KCNN1: variants seen among roughly 807,000 people sequenced by gnomAD.
KCNN1 encodes the protein small conductance calcium-activated potassium channel protein 1.
KCNN1 carries 20 observed loss-of-function variants against 44.7 expected under a neutral mutation model. That is an observed-to-expected ratio of 0.45 (90% CI 0.32 to 0.65). KCNN1 has a LOEUF of 0.65. Among genes scored for constraint, KCNN1 ranks in the 30% least tolerant of loss-of-function variants. The probability of loss-of-function intolerance (pLI) is 0.05; values close to 1 mark genes in which losing one functional copy is unlikely to be tolerated. For missense variants in KCNN1, 632 were observed against 785.3 expected (o/e 0.80, Z 2.33); for synonymous variants, 324 against 341.7 (o/e 0.95, Z 0.57).
At position 17,974,883 on chromosome 19, in the gene KCNN1, A is replaced by G. The variant is rs951771229; in HGVS notation, c.403-209A>G. Among the ~76,000 whole-genome samples, 1 of 152,218 alleles carries G rather than the reference A, an allele frequency of 6.6e-6. No homozygotes were observed. The highest frequency in any genetic ancestry group is 1.5e-5 in the Non-Finnish European group (1 of 68,036). The stretch of plus-strand genomic sequence containing the variant: ...GAGCACCGCTTCCTGAATACAGCAC[A>G]TGCTGCACGCCCAGCCCTGATAAGC... On this transcript the variant is annotated intron_variant, in intron 2 of 9. Coordinates refer to ENST00000684775, the MANE Select transcript of KCNN1 (RefSeq NM_001386974.1). The surrounding 1 kb of genome is among the most constrained non-coding windows in gnomAD (Gnocchi z 7.3).
chr19:17,963,152 C>T (rs925053790), upstream of KCNN1, among the ~76,000 whole-genome samples: 4 of 149,984 alleles, frequency 2.7e-5, no homozygotes, highest in South Asian at 6.3e-4. Flanking sequence ...GGATTACAGG[C>T]GCCCGCCACC....
chr19:17,981,688 G>C, intron 3 of KCNN1, 21 bp from the exon 4 acceptor site: 1 of 1,551,646 alleles, frequency 6.4e-7, no homozygotes, highest in South Asian at 1.2e-5. Flanking sequence ...CCCATGGCTG[G>C]TTCCCTCCCG....
Position 17,974,323 on chromosome 19 carries a change from A to T in KCNN1, c.402+33A>T, listed in dbSNP as rs376055923. The T allele has an allele frequency of 1.0e-4, 158 of 1,515,638 alleles. No individual in the cohort carries two copies. The Middle Eastern group carries it at 1.4e-3, about 14-fold the overall frequency. 93.9% of individuals were successfully genotyped at this position (1,515,638 alleles called of 1,614,324 possible). A position where few individuals can be genotyped will look rare whatever the true frequency, so the allele number is the denominator to read the frequency against. ...TGGTCCTCCCCCAGGCACTCCAGGG[A>T]GGTTCCACCAAGCCCGCCTAGCTTT... On this transcript the variant is annotated intron_variant, in intron 2 of 9. Coordinates refer to ENST00000684775, the MANE Select transcript of KCNN1 (RefSeq NM_001386974.1). The surrounding 1 kb of genome is among the most constrained non-coding windows in gnomAD (Gnocchi z 7.3).
At chr19:17,990,941 T>TA (rs2032771824) in intron 7 of KCNN1, among the ~76,000 whole-genome samples, 1 of 152,138 alleles carries the variant, frequency 6.6e-6, no homozygotes, top group African/African-American at 2.4e-5. Context: ...GGGGGCTTTT[T>TA]AAAAATCCCA....
At chr19:17,968,418 G>C (rs537960961) in intron 1 of KCNN1, among the ~76,000 whole-genome samples, 144 of 151,740 alleles carry the variant, frequency 9.5e-4, no homozygotes, top group Admixed American at 3.1e-3. Context: ...CCCTCGTAGT[G>C]GGGGGGTGGG....
intron 5 of KCNN1, among the ~76,000 whole-genome samples, chr19:17,986,664 A>AT (rs2032608356): frequency 6.6e-6 from 1 of 152,018 alleles, no homozygotes; most frequent in Non-Finnish European, 1.5e-5. Context: ...TCCATGTTTT[A>AT]TTTTTATGTT....
In KCNN1 at chr19:17,974,291, G is replaced by T; in HGVS notation, c.402+1G>T. 6.4e-7 allele frequency: 1 copy of T among 1,553,992 alleles called. No individual in the cohort carries two copies. The highest frequency in any genetic ancestry group is 8.7e-7 in the Non-Finnish European group (1 of 1,147,642). On this transcript the variant is annotated splice_donor_variant, in intron 2 of 9. Transcript: ENST00000684775. LOFTEE classifies it high-confidence loss of function. This position sits in a 1 kb window ranked among gnomAD's most constrained non-coding sequence, Gnocchi z 7.3. ...GCTGTCCTGGGGGGTGTACACCAAG[G>T]TAGGCGTGGTCCTCCCCCAGGCACT...
chr19:17,975,010 C>T (rs761550701), intron 2 of KCNN1, 82 bp from the exon 3 acceptor site: 5 of 1,074,560 alleles, frequency 4.7e-6, no homozygotes, highest in East Asian at 4.7e-5. Flanking sequence ...CTCCCATGCC[C>T]GGGAGCCAGG....
rs1311399310 is a variant in KCNN1 at position 17,974,885 on chromosome 19, G to A, written c.403-207G>A. On this transcript the variant is annotated intron_variant, in intron 2 of 9. Transcript: ENST00000684775. The surrounding 1 kb of genome is among the most constrained non-coding windows in gnomAD (Gnocchi z 7.3). ...GCACCGCTTCCTGAATACAGCACAT[G>A]CTGCACGCCCAGCCCTGATAAGCTG... 6.6e-6 allele frequency among the ~76,000 whole-genome samples: 1 copy of A among 152,220 alleles called. No homozygotes were observed. Among genetic ancestry groups the A allele is most frequent in the Non-Finnish European group, 1.5e-5 (1 of 68,048 alleles).
intron 1 of KCNN1, among the ~76,000 whole-genome samples, chr19:17,968,633 C>A (rs111277041): frequency 2.0e-5 from 3 of 152,082 alleles, no homozygotes; most frequent in Non-Finnish European, 4.4e-5. Context: ...TCTAAGGAGC[C>A]ATCAGCCCTG....
chr19:17,973,965 CGG>C lies in KCNN1; in HGVS notation c.78_79del (p.Asp27ProfsTer2). 6.4e-7 allele frequency: 1 copy of C among 1,564,400 alleles called. No individual in the cohort carries two copies. The highest frequency in any genetic ancestry group is 8.6e-7 in the Non-Finnish European group (1 of 1,156,796). ...CCGGGCGCCCTGGGACGAGACCCTCCGGACCCTGAGGCCGGCCACCCCCCACA... is the reference window on the plus strand; with the variant it reads ...CCGGGCGCCCTGGGACGAGACCCTCCACCCTGAGGCCGGCCACCCCCCACA... On this transcript the variant is annotated frameshift_variant, in exon 2 of 10. Transcript: ENST00000684775.
chr19:17,981,416 G>A (rs570573965), intron 3 of KCNN1, among the ~76,000 whole-genome samples: 1 of 152,006 alleles, frequency 6.6e-6, no homozygotes, highest in Admixed American at 6.6e-5. Flanking sequence ...GCCAGGTGTG[G>A]TGGGGCAAGC....
chr19:17,972,364 C>G (rs376246559), intron 1 of KCNN1, among the ~76,000 whole-genome samples: 1 of 152,220 alleles, frequency 6.6e-6, no homozygotes, highest in East Asian at 1.9e-4. Flanking sequence ...GGTCCCTGCT[C>G]TCACACATGA....
chr19:17,983,011 G>A lies in KCNN1; in HGVS notation c.917+884G>A, dbSNP rs1363823319. On this transcript the variant is annotated intron_variant, in intron 4 of 9. Transcript: ENST00000684775. This position sits in a 1 kb window ranked among gnomAD's most constrained non-coding sequence, Gnocchi z 4.5. The stretch of plus-strand genomic sequence containing the variant: ...GCTGAGATTGCGCCACTGCACTCCA[G>A]TCAAAAAAAAAAAAGACAAATAAAT... Among the ~76,000 whole-genome samples the A allele has an allele frequency of 9.5e-6, 1 of 105,754 alleles. No homozygotes were observed. Among genetic ancestry groups the A allele is most frequent in the Non-Finnish European group, 2.0e-5 (1 of 50,832 alleles). The allele number at this position is 105,754 out of a possible 152,430, so 69.4% of individuals were successfully genotyped here.
At chr19:17,985,852 G>A (rs2032576572) in intron 5 of KCNN1, among the ~76,000 whole-genome samples, 1 of 152,222 alleles carries the variant, frequency 6.6e-6, no homozygotes, top group Admixed American at 6.5e-5. Context: ...GCTGTGACCA[G>A]CGCTACTTCC....
Position 17,993,657 on chromosome 19 carries a change from C to T in KCNN1, c.1377+98C>T, listed in dbSNP as rs1040458840. 5.2e-6 allele frequency: 5 copies of T among 970,178 alleles called. No individual in the cohort carries two copies. Among genetic ancestry groups the T allele is most frequent in the South Asian group, 1.3e-5 (1 of 74,916 alleles). The allele number at this position is 970,178 out of a possible 1,614,324, so 60.1% of individuals were successfully genotyped here. ...CCTGCCGGAGGAGGGCACAAGGACCCGCTGTGGGCTGAGTGCAGTGGCGGG... is the reference window on the plus strand; with the variant it reads ...CCTGCCGGAGGAGGGCACAAGGACCTGCTGTGGGCTGAGTGCAGTGGCGGG... On this transcript the variant is annotated intron_variant, in intron 9 of 9. Transcript: ENST00000684775. The surrounding 1 kb of genome is among the most constrained non-coding windows in gnomAD (Gnocchi z 4.5).
At chr19:17,957,800 G>A (rs1477112596) in intron 2 of KCNN1, among the ~76,000 whole-genome samples, 1 of 152,130 alleles carries the variant, frequency 6.6e-6, no homozygotes, top group Non-Finnish European at 1.5e-5. Flanking sequence ...TCTCAGTTAG[G>A]ATTTTCAGAA....
chr19:17,994,741 G>A (rs2032925377), intron 9 of KCNN1, among the ~76,000 whole-genome samples: 2 of 152,034 alleles, frequency 1.3e-5, no homozygotes, highest in African/African-American at 4.8e-5. Context: ...ACGGGGTTTC[G>A]CCATGTTGGC....
upstream of KCNN1, among the ~76,000 whole-genome samples, chr19:17,964,020 C>T (rs1331938716): frequency 6.6e-6 from 1 of 152,162 alleles, no homozygotes; most frequent in South Asian, 2.1e-4. The surrounding 1 kb of genome is among the most constrained non-coding windows in gnomAD (Gnocchi z 4.3). Flanking sequence ...TTCTAGAAAG[C>T]CAGCTTCAAG....
Sources: allele counts gnomAD v4.1 joint callset (sites outside exome capture counted in the v4.1 genomes callset), GRCh38; gene constraint gnomAD v4.1.1; non-coding constraint Gnocchi (gnomAD v3.1); transcripts MANE v1.5; gene names NCBI Gene and HGNC (gene_info 2026-07-23, HGNC 2026-07-21).